Variants in PSG5 observed in about 807,000 individuals in gnomAD.
PSG5 encodes pregnancy specific beta-1-glycoprotein 5, also known as pregnancy-specific beta-1-glycoprotein 5.
A neutral mutation model predicts 37.7 loss-of-function variants in PSG5; 53 were observed. That is an observed-to-expected ratio of 1.41 (90% CI 1.13 to 1.77). The LOEUF (loss-of-function observed/expected upper bound fraction) is 1.77, where lower values mean the gene tolerates loss of function less well. Ranked by LOEUF, PSG5 falls within the 40% of genes most tolerant of loss-of-function variation. The pLI, the probability that PSG5 is intolerant of heterozygous loss-of-function variation, is 0.00. For synonymous variants in PSG5, 221 were observed against 155.4 expected (o/e 1.42, Z -3.14); for missense variants, 547 against 405.2 (o/e 1.35, Z -3.00).
chr19:43,178,617 C>A (rs1199924258), intron 2 of PSG5, among the ~76,000 whole-genome samples: 1 of 151,618 alleles, frequency 6.6e-6, no homozygotes, highest in Non-Finnish European at 1.5e-5. Flanking sequence ...GTTCACTGAT[C>A]TGGAGCCTGA....
chr19:43,181,484 A>T (rs915975333), intron 2 of PSG5, among the ~76,000 whole-genome samples: 1 of 151,472 alleles, frequency 6.6e-6, no homozygotes, highest in East Asian at 1.9e-4. Flanking sequence ...TCTGAGACAG[A>T]GTCTCTCTCT....
intron 2 of PSG5, among the ~76,000 whole-genome samples, chr19:43,183,826 G>C (rs1969184117): frequency 6.6e-6 from 1 of 151,440 alleles, no homozygotes; most frequent in African/African-American, 2.4e-5. Flanking sequence ...CTCCCCCTTT[G>C]GGTTTGTGTG....
Position 43,170,158 on chromosome 19 carries a change from A to G in PSG5, c.965-20T>C, listed in dbSNP as rs370556381. On this transcript the variant is annotated intron_variant, in intron 4 of 5. Coordinates refer to ENST00000342951, the MANE Select transcript of PSG5 (RefSeq NM_002781.4). ...AAGGAGCTGTCATGGAAAGAAAAGT[A>G]AAGAAGGAATGAAGGTGATGTTATT... The G allele has an allele frequency of 6.4e-7, 1 of 1,567,742 alleles. No homozygotes were observed. The highest frequency in any genetic ancestry group is 1.4e-5 in the African/African-American group (1 of 73,304).
At chr19:43,174,578 T>A in intron 4 of PSG5, 1 of 948,990 alleles carries the variant, frequency 1.1e-6, no homozygotes, top group South Asian at 4.8e-5. Context: ...CTCCCTCTCT[T>A]CTTATTTCCC....
chr19:43,176,754 G>A (rs2355437), intron 2 of PSG5, among the ~76,000 whole-genome samples: 1 of 150,054 alleles, frequency 6.7e-6, no homozygotes, highest in Non-Finnish European at 1.5e-5. Context: ...TGTTTTGCAG[G>A]TGTTTCATGA....
rs530475159 is a variant in PSG5 at position 43,178,346 on chromosome 19, T to G, written c.431-2198A>C. Among the ~76,000 whole-genome samples, 247 of 151,864 alleles carry G rather than the reference T, an allele frequency of 1.6e-3. 8 individuals are homozygous for G. The highest frequency in any genetic ancestry group is 5.6e-3 in the African/African-American group (232 of 41,290). On this transcript the variant is annotated intron_variant, in intron 2 of 5. Transcript: ENST00000342951. ...GGGAATAAAGCACACTTGTGCTGAT[T>G]GCTGGAACTTCCCATCAATCAGCCA...
Position 43,185,859 on chromosome 19 carries a change from C to CCTGATGATTAA in PSG5, c.64+482_64+483insTTAATCATCAG, listed in dbSNP as rs1555720098. ...TATCATTTTTCAAAATGTCGTGGCC[C>CCTGATGATTAA]TCTTACCAATTCCGGTTCAATATGA... On this transcript the variant is annotated intron_variant, in intron 1 of 5. Coordinates refer to ENST00000342951, the MANE Select transcript of PSG5 (RefSeq NM_002781.4). 1.7e-3 allele frequency among the ~76,000 whole-genome samples: 229 copies of CCTGATGATTAA among 138,438 alleles called. 3 individuals are homozygous for CCTGATGATTAA. Among genetic ancestry groups the CCTGATGATTAA allele is most frequent in the Non-Finnish European group, 1.8e-3 (117 of 63,992 alleles). 90.8% of individuals were successfully genotyped at this position (138,438 alleles called of 152,430 possible). A position where few individuals can be genotyped will look rare whatever the true frequency, so the allele number is the denominator to read the frequency against.
intron 2 of PSG5, among the ~76,000 whole-genome samples, chr19:43,178,234 A>G (rs1313111482): frequency 1.3e-5 from 2 of 151,594 alleles, no homozygotes; most frequent in Non-Finnish European, 2.9e-5. Flanking sequence ...ACCAGGGACT[A>G]TGATCCTCTT....
At chr19:43,176,574 G>A (rs1969016853) in intron 2 of PSG5, among the ~76,000 whole-genome samples, 2 of 151,460 alleles carry the variant, frequency 1.3e-5, no homozygotes, top group Admixed American at 6.6e-5. Context: ...CATTTCCAAG[G>A]ACATTCTAGA....
chr19:43,174,442 A>C, intron 4 of PSG5: 1 of 803,874 alleles, frequency 1.2e-6, no homozygotes, highest in Non-Finnish European at 1.5e-6. Context: ...CCAGGGGTGA[A>C]TCTCTCTATT....
At chr19:43,173,214 T>C (rs1968939918) in intron 4 of PSG5, among the ~76,000 whole-genome samples, 1 of 151,604 alleles carries the variant, frequency 6.6e-6, no homozygotes, top group South Asian at 2.1e-4. Context: ...GCATAAAAAT[T>C]AACCCACAAT....
At chr19:43,171,392 T>C (rs1211772377) in intron 4 of PSG5, 1 of 154,762 alleles carries the variant, frequency 6.5e-6, no homozygotes, top group African/African-American at 2.4e-5. Flanking sequence ...GTGCAAGAAA[T>C]TTATAACTGT....
intron 2 of PSG5, among the ~76,000 whole-genome samples, chr19:43,177,730 A>C (rs372248564): frequency 2.6e-5 from 4 of 151,564 alleles, no homozygotes; most frequent in East Asian, 3.9e-4. Context: ...GTCAGATTTA[A>C]GACAGAGTTT....
chr19:43,168,000 C>G lies in PSG5; in HGVS notation c.*244G>C, dbSNP rs1275968518. 3 of 409,972 alleles carry G rather than the reference C, an allele frequency of 7.3e-6. No individual in the cohort carries two copies. The highest frequency in any genetic ancestry group is 6.2e-5 in the African/African-American group (3 of 48,198). 25.4% of individuals were successfully genotyped at this position (409,972 alleles called of 1,614,324 possible). ...TAGTCCAATAACATGGAGTTTTTTT[C>G]TTCTTTGTCTAGAATTTCATGAAGG... On this transcript the variant is annotated 3_prime_UTR_variant, in exon 6 of 6. Coordinates refer to ENST00000342951, the MANE Select transcript of PSG5 (RefSeq NM_002781.4).
At position 43,185,165 on chromosome 19, in the gene PSG5, C is replaced by T; in HGVS notation, c.65-18G>A. The T allele has an allele frequency of 6.3e-7, 1 of 1,584,474 alleles. No individual in the cohort carries two copies. Among genetic ancestry groups the T allele is most frequent in the Non-Finnish European group, 8.6e-7 (1 of 1,164,926 alleles). ...AAGTGATGCTAGGAGGTGGAGAAAG[C>T]ACCAGTCAATATTGAGACCTGTGTA... is the stretch of plus-strand genomic sequence containing the variant. On this transcript the variant is annotated intron_variant, in intron 1 of 5. Coordinates refer to ENST00000342951, the MANE Select transcript of PSG5 (RefSeq NM_002781.4).
chr19:43,177,892 C>A (rs533414153), intron 2 of PSG5, among the ~76,000 whole-genome samples: 1 of 151,126 alleles, frequency 6.6e-6, no homozygotes, highest in East Asian at 1.9e-4. Context: ...TCTTTAATTT[C>A]TTTCAGCAAT....
intron 2 of PSG5, chr19:43,183,371 A>G (rs1192604692): frequency 1.9e-6 from 1 of 519,350 alleles, no homozygotes; most frequent in Admixed American, 2.0e-5. Flanking sequence ...TCCAGTCTCT[A>G]AAGAGGTTTT....
In PSG5 at chr19:43,175,914, C is replaced by G. The variant is rs764836747; in HGVS notation, c.665G>C (p.Arg222Pro). The G allele has an allele frequency of 1.9e-6, 3 of 1,612,436 alleles. No homozygotes were observed. Among genetic ancestry groups the G allele is most frequent in the South Asian group, 2.2e-5 (2 of 91,036 alleles). ...TGPYECEIRD[R>P]DGGMRSDPVT... ...TGGGTCACTGCGCATGCCACCATCT[C>G]GGTCCCGTATTTCACATTCATAGGG... Residue 222 changes from arginine to proline, a missense_variant, in exon 3 of 6, where the codon CGA becomes CCA. Physicochemically the swap from Arg to Pro is moderately radical, Grantham distance 103. Coordinates refer to ENST00000342951, the MANE Select transcript of PSG5 (RefSeq NM_002781.4).
At chr19:43,169,503 C>A (rs1372134457) in intron 5 of PSG5, among the ~76,000 whole-genome samples, 1 of 151,444 alleles carries the variant, frequency 6.6e-6, no homozygotes, top group East Asian at 1.9e-4. Flanking sequence ...TGTAGGAAGA[C>A]AGTTCTAATT....
Sources: gnomAD v4.1 joint callset for allele counts (sites outside exome capture counted in the v4.1 genomes callset) on GRCh38, gnomAD v4.1.1 for gene constraint, MANE v1.5 for transcripts, NCBI Gene and HGNC (gene_info 2026-07-23, HGNC 2026-07-21) for gene names.